The following KCNAB1 variants were observed in gnomAD, a reference collection of about 807,000 sequenced individuals.
KCNAB1 encodes potassium voltage-gated channel subfamily A regulatory beta subunit 1, also known as voltage-gated potassium channel subunit beta-1.
In KCNAB1, 35 loss-of-function variants were observed where a neutral mutation model predicts 64.6. The observed-to-expected ratio is 0.54, with a 90% confidence interval of 0.41 to 0.72. The LOEUF (loss-of-function observed/expected upper bound fraction) is 0.72. Among genes scored for constraint, KCNAB1 ranks in the 30% least tolerant of loss-of-function variants. The pLI, the probability that KCNAB1 is intolerant of heterozygous loss-of-function variation, is 0.00. For synonymous variants in KCNAB1, 177 were observed against 183.8 expected (o/e 0.96, Z 0.30); for missense variants, 401 against 512.9 (o/e 0.78, Z 2.11).
chr3:156,475,900 T>G (rs1714303945), intron 8 of KCNAB1, among the ~76,000 whole-genome samples: 1 of 152,198 alleles, frequency 6.6e-6, no homozygotes, highest in African/African-American at 2.4e-5. Flanking sequence ...CAGAGAAATG[T>G]AAAATATATA....
intron 1 of KCNAB1, among the ~76,000 whole-genome samples, chr3:156,315,675 A>T (rs1186536339): frequency 6.6e-6 from 1 of 152,254 alleles, no homozygotes; most frequent in African/African-American, 2.4e-5. Flanking sequence ...CCATTTAAGA[A>T]AAACGTTTCT....
At chr3:156,131,747 A>G (rs1714008761) in intron 1 of KCNAB1, among the ~76,000 whole-genome samples, 1 of 152,236 alleles carries the variant, frequency 6.6e-6, no homozygotes, top group South Asian at 2.1e-4. Context: ...CTTGTTTCAA[A>G]AAAGAGAAAG....
intron 1 of KCNAB1, among the ~76,000 whole-genome samples, chr3:156,130,629 C>T (rs1713939533): frequency 6.6e-6 from 1 of 152,250 alleles, no homozygotes; most frequent in Admixed American, 6.5e-5. Context: ...ACTGCAGATG[C>T]ACATCTCAAC....
At chr3:156,218,596 C>T (rs1014518791) in intron 1 of KCNAB1, among the ~76,000 whole-genome samples, 3 of 151,902 alleles carry the variant, frequency 2.0e-5, no homozygotes, top group Non-Finnish European at 4.4e-5. Flanking sequence ...AAAACCAGCA[C>T]ACTAAACAAA....
In KCNAB1 at chr3:156,198,838, G is replaced by C. The variant is rs185903903; in HGVS notation, c.275+77952G>C. On this transcript the variant is annotated intron_variant, in intron 1 of 13. Coordinates refer to ENST00000490337, the MANE Select transcript of KCNAB1 (RefSeq NM_172160.3). ...TGTTATGTGTGAATTTGATCCTGTC[G>C]TTATGATGCTAGCTGGTTATTTTGC... Among the ~76,000 whole-genome samples, 721 of 145,268 alleles carry C rather than the reference G, an allele frequency of 5.0e-3. 5 individuals are homozygous for C. The highest frequency in any genetic ancestry group is 0.018 in the African/African-American group (698 of 38,818).
chr3:156,377,485 G>A (rs1319959481), intron 1 of KCNAB1, among the ~76,000 whole-genome samples: 1 of 152,152 alleles, frequency 6.6e-6, no homozygotes. Context: ...CTTGTGACAA[G>A]GAGATAAGGA....
intron 1 of KCNAB1, among the ~76,000 whole-genome samples, chr3:156,214,216 G>T (rs1256341168): frequency 2.0e-5 from 3 of 152,096 alleles, no homozygotes; most frequent in Non-Finnish European, 4.4e-5. Context: ...ATGTTACAGC[G>T]AATTATTGAA....
intron 1 of KCNAB1, among the ~76,000 whole-genome samples, chr3:156,134,000 A>G (rs1429409363): frequency 6.6e-6 from 1 of 152,188 alleles, no homozygotes. Flanking sequence ...TGCAGGAAAT[A>G]TTCCCAATTA....
intron 1 of KCNAB1, among the ~76,000 whole-genome samples, chr3:156,284,833 GA>G (rs1719997210): frequency 6.6e-6 from 1 of 152,170 alleles, no homozygotes; most frequent in Non-Finnish European, 1.5e-5. Flanking sequence ...GCTCGCGCAC[GA>G]TGCGCGCACC....
chr3:156,135,451 C>A (rs887291587), intron 1 of KCNAB1, among the ~76,000 whole-genome samples: 2 of 152,196 alleles, frequency 1.3e-5, no homozygotes, highest in African/African-American at 4.8e-5. Flanking sequence ...TTATTCCAGT[C>A]CTTACAATAA....
At chr3:156,522,228 T>C (rs1717997175) in intron 11 of KCNAB1, among the ~76,000 whole-genome samples, 1 of 151,870 alleles carries the variant, frequency 6.6e-6, no homozygotes, top group Non-Finnish European at 1.5e-5. Flanking sequence ...TAGTTTTCAA[T>C]CTTTGTTAGT....
intron 1 of KCNAB1, among the ~76,000 whole-genome samples, chr3:156,123,485 G>C (rs1713469425): frequency 6.6e-6 from 1 of 152,228 alleles, no homozygotes; most frequent in Non-Finnish European, 1.5e-5. Flanking sequence ...GAAAGCATTA[G>C]AGTTGGGGGA....
chr3:156,332,614 T>C (rs1319845595), intron 1 of KCNAB1, among the ~76,000 whole-genome samples: 2 of 152,156 alleles, frequency 1.3e-5, no homozygotes, highest in Non-Finnish European at 2.9e-5. Context: ...GGACCAAGGC[T>C]TCCATGCTCA....
chr3:156,210,865 A>G (rs1431837410), intron 1 of KCNAB1, among the ~76,000 whole-genome samples: 1 of 152,202 alleles, frequency 6.6e-6, no homozygotes, highest in Non-Finnish European at 1.5e-5. Context: ...AAGTTATTTT[A>G]TTATTTACTT....
intron 1 of KCNAB1, among the ~76,000 whole-genome samples, chr3:156,359,671 A>G (rs779144386): frequency 4.6e-5 from 7 of 152,176 alleles, no homozygotes; most frequent in Admixed American, 2.0e-4. Flanking sequence ...CATTATGTGA[A>G]TTTATGTCAT....
chr3:156,388,391 C>G (rs1477068384), intron 1 of KCNAB1, among the ~76,000 whole-genome samples: 2 of 152,144 alleles, frequency 1.3e-5, no homozygotes, highest in African/African-American at 4.8e-5. Flanking sequence ...CCTCACAGAG[C>G]AAAGAGTCTC....
chr3:156,291,423 C>A, intron 1 of KCNAB1: 1 of 1,008,310 alleles, frequency 9.9e-7, no homozygotes, highest in Non-Finnish European at 1.2e-6. Context: ...TGCCTGTGGT[C>A]CAGGGGATGC....
chr3:156,397,878 C>T (rs1331010143), intron 1 of KCNAB1, among the ~76,000 whole-genome samples: 1 of 152,150 alleles, frequency 6.6e-6, no homozygotes, highest in Non-Finnish European at 1.5e-5. Context: ...ATTTATTCAG[C>T]TCCCTAATTA....
intron 1 of KCNAB1, among the ~76,000 whole-genome samples, chr3:156,199,538 C>A (rs909952468): frequency 6.6e-6 from 1 of 152,178 alleles, no homozygotes; most frequent in African/African-American, 2.4e-5. Flanking sequence ...TTTCTCTAAT[C>A]TTGTATTCAC....
Sources: allele counts gnomAD v4.1 joint callset (sites outside exome capture counted in the v4.1 genomes callset), GRCh38; gene constraint gnomAD v4.1.1; transcripts MANE v1.5; gene names NCBI Gene and HGNC (gene_info 2026-07-23, HGNC 2026-07-21).